The following YWHAZ variants were observed in gnomAD, a reference collection of about 807,000 sequenced individuals.
YWHAZ encodes tyrosine 3-monooxygenase/tryptophan 5-monooxygenase activation protein zeta, also known as 14-3-3 protein zeta/delta.
For missense variants in YWHAZ, 79 were observed against 284.8 expected, an observed-to-expected ratio of 0.28 and a Z score of 5.20; for synonymous variants, 87 against 103.6, an observed-to-expected ratio of 0.84 and a Z score of 0.97.
chr8:100,946,229 G>C (rs1478605612), intron 2 of YWHAZ, among the ~76,000 whole-genome samples: 1 of 152,270 alleles, frequency 6.6e-6, no homozygotes, highest in South Asian at 2.1e-4. Context: ...AAACTAAAGG[G>C]AAGCATAGTC....
chr8:100,938,784 ATT>A (rs1814393378), intron 2 of YWHAZ, among the ~76,000 whole-genome samples: 1 of 152,162 alleles, frequency 6.6e-6, no homozygotes, highest in Non-Finnish European at 1.5e-5. Context: ...CCATTCTTTG[ATT>A]TGCAATTTCC....
At chr8:100,926,833 T>C (rs560483243) in intron 2 of YWHAZ, among the ~76,000 whole-genome samples, 1 of 152,354 alleles carries the variant, frequency 6.6e-6, no homozygotes, top group South Asian at 2.1e-4. Flanking sequence ...GCATTTAAAA[T>C]AGTCAAGTGA....
chr8:100,937,379 T>C (rs752212675), intron 2 of YWHAZ, among the ~76,000 whole-genome samples: 5 of 151,416 alleles, frequency 3.3e-5, no homozygotes, highest in Non-Finnish European at 5.9e-5. Context: ...TAAAGAAAAA[T>C]ATGTGGGGTG....
chr8:100,923,745 T>G, intron 5 of YWHAZ: 5 of 427,952 alleles, frequency 1.2e-5, no homozygotes, highest in Non-Finnish European at 2.1e-5. Flanking sequence ...CTCATCAATG[T>G]GTGTATTTTT....
intron 2 of YWHAZ, among the ~76,000 whole-genome samples, chr8:100,947,379 T>C (rs913868690): frequency 6.6e-6 from 1 of 151,938 alleles, no homozygotes; most frequent in Non-Finnish European, 1.5e-5. Context: ...TAGATACAAA[T>C]AGTAGCTATC....
In YWHAZ at chr8:100,918,408, T is replaced by TTATTTATA. The variant is rs1554611373; in HGVS notation, c.*2284_*2285insTATAAATA. Reference sequence around the variant, plus strand: ...AGTCTAGCTATAAAATATAATTACTTTATATATATATATATATATATATAT... The same window carrying TTATTTATA: ...AGTCTAGCTATAAAATATAATTACTTTATTTATATATATATATATATATATATATATAT... On this transcript the variant is annotated 3_prime_UTR_variant, in exon 6 of 6. Transcript: ENST00000395958. 4.8e-5 allele frequency: 2 copies of TTATTTATA among 41,882 alleles called. No individual in the cohort carries two copies. Among genetic ancestry groups the TTATTTATA allele is most frequent in the African/African-American group, 1.4e-4 (2 of 14,100 alleles). The allele number at this position is 41,882 out of a possible 1,614,324, so 2.6% of individuals were successfully genotyped here. A position where few individuals can be genotyped will look rare whatever the true frequency, so the allele number is the denominator to read the frequency against.
rs1812824130 is a variant in YWHAZ at position 100,918,658 on chromosome 8, T to C, written c.*2035A>G. 5.3e-5 allele frequency: 8 copies of C among 151,894 alleles called. No homozygotes were observed. Among genetic ancestry groups the C allele is most frequent in the Admixed American group, 5.3e-4 (8 of 15,234 alleles). The allele number at this position is 151,894 out of a possible 1,614,324, so 9.4% of individuals were successfully genotyped here. ...TATTTCCCAATTTAATCTGAGGTCATAATAAAACAAGCAACAAAACAGTGT... is the reference window on the plus strand; with the variant it reads ...TATTTCCCAATTTAATCTGAGGTCACAATAAAACAAGCAACAAAACAGTGT... On this transcript the variant is annotated 3_prime_UTR_variant, in exon 6 of 6. Coordinates refer to ENST00000395958, the MANE Select transcript of YWHAZ (RefSeq NM_145690.3).
chr8:100,933,385 G>T (rs756604629), intron 2 of YWHAZ, among the ~76,000 whole-genome samples: 1 of 151,140 alleles, frequency 6.6e-6, no homozygotes, highest in Admixed American at 6.6e-5. Flanking sequence ...GAAAATAGTT[G>T]TGACTTTTTG....
In YWHAZ at chr8:100,924,780, C is replaced by T. The variant is rs41381451; in HGVS notation, c.418+136G>A. On this transcript the variant is annotated intron_variant, in intron 3 of 5. Transcript: ENST00000395958. The surrounding 1 kb of genome is among the most constrained non-coding windows in gnomAD (Gnocchi z 5.7). ...GTATGAGGCAGTAGATGTGTATTCT[C>T]AGAACACAAAGAGCACTGCTACTCC... 0.055 allele frequency: 60,537 copies of T among 1,092,964 alleles called. 1,790 individuals are homozygous for T. Among genetic ancestry groups the T allele is most frequent in the Non-Finnish European group, 0.062 (47,783 of 769,376 alleles). 67.7% of individuals were successfully genotyped at this position (1,092,964 alleles called of 1,614,324 possible). A position where few individuals can be genotyped will look rare whatever the true frequency, so the allele number is the denominator to read the frequency against.
intron 2 of YWHAZ, among the ~76,000 whole-genome samples, chr8:100,928,864 A>G (rs557817593): frequency 6.6e-6 from 1 of 152,362 alleles, no homozygotes; most frequent in South Asian, 2.1e-4. Flanking sequence ...GATAATGGAA[A>G]GAACAGGACA....
At chr8:100,933,880 G>C (rs751653336) in intron 2 of YWHAZ, among the ~76,000 whole-genome samples, 1 of 152,082 alleles carries the variant, frequency 6.6e-6, no homozygotes, top group Non-Finnish European at 1.5e-5. Context: ...AGCGTGGCCA[G>C]GCGCGGTGGC....
At chr8:100,920,798 G>C (rs748900436) in intron 5 of YWHAZ, 46 bp from the exon 6 acceptor site, 18 of 1,004,582 alleles carry the variant, frequency 1.8e-5, no homozygotes, top group South Asian at 5.6e-5. Flanking sequence ...AGTGGGATGG[G>C]GGGGGGGGGG....
intron 2 of YWHAZ, among the ~76,000 whole-genome samples, chr8:100,943,716 G>C (rs1810042911): frequency 6.6e-6 from 1 of 152,094 alleles, no homozygotes; most frequent in Admixed American, 6.5e-5. Context: ...GCCGGGCGCG[G>C]TGGCTCACGC....
chr8:100,943,991 AAAAAAAG>A (rs1157585783), intron 2 of YWHAZ, among the ~76,000 whole-genome samples: 8 of 147,924 alleles, frequency 5.4e-5, no homozygotes, highest in Non-Finnish European at 8.9e-5. Context: ...CGTCTCAAAA[AAAAAAAG>A]AAAAAAGAAA....
intron 2 of YWHAZ, among the ~76,000 whole-genome samples, chr8:100,942,627 A>G (rs980014519): frequency 3.3e-5 from 5 of 152,214 alleles, no homozygotes; most frequent in Admixed American, 3.3e-4. Context: ...ATCAAGATTA[A>G]AATAAGTCCT....
upstream of YWHAZ, chr8:100,953,115 T>C: frequency 1.0e-6 from 1 of 987,962 alleles, no homozygotes; most frequent in South Asian, 4.7e-5. Flanking sequence ...AAGGACAGCC[T>C]TCTCGGGCGG....
intron 2 of YWHAZ, among the ~76,000 whole-genome samples, chr8:100,940,829 A>C (rs1809792460): frequency 6.6e-6 from 1 of 152,252 alleles, no homozygotes; most frequent in Admixed American, 6.5e-5. Context: ...TCAAAAATTC[A>C]AAAAGACTGC....
intron 5 of YWHAZ, among the ~76,000 whole-genome samples, chr8:100,921,823 A>C (rs1448251619): frequency 2.6e-5 from 4 of 152,230 alleles, no homozygotes; most frequent in Admixed American, 2.6e-4. Flanking sequence ...AAAATGTTGA[A>C]GTCTTAACCA....
At chr8:100,934,693 A>G (rs978371304) in intron 2 of YWHAZ, among the ~76,000 whole-genome samples, 3 of 152,078 alleles carry the variant, frequency 2.0e-5, no homozygotes, top group Admixed American at 6.5e-5. Flanking sequence ...CCAAAAAACA[A>G]AAGAGTAAGG....
Sources: allele counts gnomAD v4.1 joint callset (sites outside exome capture counted in the v4.1 genomes callset), GRCh38; gene constraint gnomAD v4.1.1; non-coding constraint Gnocchi (gnomAD v3.1); transcripts MANE v1.5; gene names NCBI Gene and HGNC (gene_info 2026-07-23, HGNC 2026-07-21).